Variants in CAMTA1 observed in about 807,000 individuals in gnomAD.
CAMTA1 encodes calmodulin-binding transcription activator 1.
Under a neutral mutation model 170.9 loss-of-function variants are expected in CAMTA1, and 27 were observed. That is an observed-to-expected ratio of 0.16 (90% CI 0.12 to 0.22). CAMTA1 has a LOEUF of 0.22. CAMTA1 is among the 10% of genes least tolerant of loss of function. The pLI, the probability that CAMTA1 is intolerant of heterozygous loss-of-function variation, is 1.00. For missense variants in CAMTA1, 1,619 were observed against 2,217.2 expected, an observed-to-expected ratio of 0.73 and a Z score of 5.42; for synonymous variants, 833 against 891.5, an observed-to-expected ratio of 0.93 and a Z score of 1.17.
rs1557561158 is a variant in CAMTA1, at chr1:7,347,382, CGG to C, written c.438+97758_438+97759del. Among the ~76,000 whole-genome samples, 13 of 152,298 alleles carry C rather than the reference CGG, an allele frequency of 8.5e-5. 1 individual carries two copies. In the South Asian group the frequency reaches 2.5e-3, roughly 29 times the overall value. ...CAGGCAGCTCCAGAGCCCAGCCAGT[CGG>C]GCCTCTGCCGTCACACCAGCCCCAG... On this transcript the variant is annotated intron_variant, in intron 5 of 22. Coordinates refer to ENST00000303635, the MANE Select transcript of CAMTA1 (RefSeq NM_015215.4).
intron 3 of CAMTA1, among the ~76,000 whole-genome samples, chr1:6,904,977 G>C (rs1455242795): frequency 6.6e-6 from 1 of 151,840 alleles, no homozygotes; most frequent in African/African-American, 2.4e-5. Context: ...CAGGTTATTC[G>C]TGTGGTTTGC....
In CAMTA1 at chr1:7,592,605, C is replaced by T. The variant is rs1259711028; in HGVS notation, c.511-47795C>T. Reference sequence around the variant, plus strand: ...GAAAGACCTGCTGTCCTGCAAGCCACCTACCAGTGCGGAATGAGTGGGGAG... The same window carrying T: ...GAAAGACCTGCTGTCCTGCAAGCCATCTACCAGTGCGGAATGAGTGGGGAG... On this transcript the variant is annotated intron_variant, in intron 6 of 22. Transcript: ENST00000303635. The surrounding 1 kb of genome is among the most constrained non-coding windows in gnomAD (Gnocchi z 4.6). Among the ~76,000 whole-genome samples the T allele has an allele frequency of 1.3e-5, 2 of 152,158 alleles. No individual in the cohort carries two copies. The highest frequency in any genetic ancestry group is 2.9e-5 in the Non-Finnish European group (2 of 68,044).
chr1:6,967,881 C>T (rs1404223353), intron 3 of CAMTA1, among the ~76,000 whole-genome samples: 2 of 152,128 alleles, frequency 1.3e-5, no homozygotes, highest in Non-Finnish European at 2.9e-5. Flanking sequence ...GGTAGGATCC[C>T]TGGGTGACTC....
At chr1:7,603,364 C>G (rs1242951990) in intron 6 of CAMTA1, among the ~76,000 whole-genome samples, 2 of 152,150 alleles carry the variant, frequency 1.3e-5, no homozygotes, top group Non-Finnish European at 2.9e-5. Context: ...AATCTGGGTG[C>G]TCCTGTATTG....
At chr1:6,855,616 C>G (rs1037057563) in intron 3 of CAMTA1, among the ~76,000 whole-genome samples, 20 of 152,028 alleles carry the variant, frequency 1.3e-4, no homozygotes, top group African/African-American at 4.8e-4. Context: ...GGCCCCACCT[C>G]CAGCACTGGA....
intron 6 of CAMTA1, among the ~76,000 whole-genome samples, chr1:7,632,643 C>G (rs2095678998): frequency 6.6e-6 from 1 of 152,284 alleles, no homozygotes; most frequent in East Asian, 1.9e-4. Flanking sequence ...AGGCCTCCTC[C>G]TCCTCAGCGG....
intron 3 of CAMTA1, among the ~76,000 whole-genome samples, chr1:7,082,980 G>A (rs1253860594): frequency 3.3e-5 from 5 of 152,166 alleles, no homozygotes; most frequent in African/African-American, 9.7e-5. Context: ...GCCTTTCATA[G>A]TGCCTGGCAT....
intron 4 of CAMTA1, among the ~76,000 whole-genome samples, chr1:7,241,078 T>C (rs1664780463): frequency 6.6e-6 from 1 of 152,264 alleles, no homozygotes; most frequent in Middle Eastern, 3.4e-3. Flanking sequence ...CTAGAACTAA[T>C]AAATAGGTTT....
chr1:7,157,907 C>T (rs1428891864), intron 4 of CAMTA1, among the ~76,000 whole-genome samples: 1 of 152,128 alleles, frequency 6.6e-6, no homozygotes, highest in African/African-American at 2.4e-5. Context: ...CACCTGTAAT[C>T]CCAGCACTTT....
intron 3 of CAMTA1, among the ~76,000 whole-genome samples, chr1:6,939,623 C>A (rs890087275): frequency 6.6e-6 from 1 of 152,164 alleles, no homozygotes; most frequent in African/African-American, 2.4e-5. Flanking sequence ...TCCCCTGTGG[C>A]GAGAGTTCTT....
chr1:7,548,720 GCCTCCT>G lies in CAMTA1; in HGVS notation c.510+80820_510+80825del, dbSNP rs2094747613. Reference sequence around the variant, plus strand: ...AGGGGTGGAGGTGCCCATGGAGGGTGCCTCCTTAGGGGTGGAGGTGCCCTTGCAGGG... The same window carrying G: ...AGGGGTGGAGGTGCCCATGGAGGGTGTAGGGGTGGAGGTGCCCTTGCAGGG... On this transcript the variant is annotated intron_variant, in intron 6 of 22. Transcript: ENST00000303635. Among the ~76,000 whole-genome samples, 5 of 96,662 alleles carry G rather than the reference GCCTCCT, an allele frequency of 5.2e-5. 1 individual carries two copies. The highest frequency in any genetic ancestry group is 9.5e-5 in the Non-Finnish European group (4 of 41,952). The allele number at this position is 96,662 out of a possible 152,430, so 63.4% of individuals were successfully genotyped here.
rs2096088465 is a variant in CAMTA1 at position 7,674,151 on chromosome 1, G to A, written c.2779+3114G>A. Among the ~76,000 whole-genome samples, 1 of 152,312 alleles carries A rather than the reference G, an allele frequency of 6.6e-6. No individual in the cohort carries two copies. The highest frequency in any genetic ancestry group is 3.4e-3 in the Middle Eastern group (1 of 294). On this transcript the variant is annotated intron_variant, in intron 10 of 22. Coordinates refer to ENST00000303635, the MANE Select transcript of CAMTA1 (RefSeq NM_015215.4). This position sits in a 1 kb window ranked among gnomAD's most constrained non-coding sequence, Gnocchi z 4.1. Reference sequence around the variant, plus strand: ...AGGAGGGGGCACTGGCAACACAGTTGGCCAATGCCCACCCGTCTCCCAACA... The same window carrying A: ...AGGAGGGGGCACTGGCAACACAGTTAGCCAATGCCCACCCGTCTCCCAACA...
chr1:6,786,351 G>T (rs991014937), intron 1 of CAMTA1, among the ~76,000 whole-genome samples: 5 of 152,072 alleles, frequency 3.3e-5, no homozygotes, highest in African/African-American at 1.2e-4. Context: ...CCAGGAGGGT[G>T]GGGTCTCCGT....
intron 5 of CAMTA1, among the ~76,000 whole-genome samples, chr1:7,368,076 C>A (rs1373115784): frequency 2.0e-5 from 3 of 151,140 alleles, no homozygotes; most frequent in African/African-American, 7.3e-5. Context: ...AGACATTGGG[C>A]ACTCATGGTT....
intron 3 of CAMTA1, among the ~76,000 whole-genome samples, chr1:7,020,260 G>A (rs1385862737): frequency 6.6e-6 from 1 of 152,216 alleles, no homozygotes; most frequent in East Asian, 1.9e-4. Context: ...GGTCCCATAA[G>A]ATGCTAACGC....
intron 5 of CAMTA1, among the ~76,000 whole-genome samples, chr1:7,308,061 G>T (rs900460828): frequency 6.7e-6 from 1 of 150,140 alleles, no homozygotes; most frequent in Non-Finnish European, 1.5e-5. Flanking sequence ...GGTTGTTGTT[G>T]TTTTTTTTTA....
At position 6,970,594 on chromosome 1, in the gene CAMTA1, A is replaced by G. The variant is rs529235558; in HGVS notation, c.235-120710A>G. Among the ~76,000 whole-genome samples the G allele has an allele frequency of 5.3e-5, 8 of 152,260 alleles. 1 individual carries two copies. The South Asian group carries it at 1.7e-3, about 32-fold the overall frequency. On this transcript the variant is annotated intron_variant, in intron 3 of 22. Coordinates refer to ENST00000303635, the MANE Select transcript of CAMTA1 (RefSeq NM_015215.4). The surrounding 1 kb of genome is among the most constrained non-coding windows in gnomAD (Gnocchi z 4.4). ...AGGCCTGAAGGATACCGTGAGTCTG[A>G]AGACTCCACAGAACTGATGTTGGGA...
intron 11 of CAMTA1, chr1:7,693,325 C>G (rs2096339425): frequency 6.6e-6 from 1 of 152,196 alleles, no homozygotes; most frequent in South Asian, 2.1e-4. Context: ...GAGAACAACA[C>G]AGGAAAGACT....
At chr1:6,793,281 T>A (rs1046435872) in intron 1 of CAMTA1, among the ~76,000 whole-genome samples, 1 of 152,318 alleles carries the variant, frequency 6.6e-6, no homozygotes, top group Middle Eastern at 3.4e-3. Flanking sequence ...GAGCATTCAT[T>A]CGTTCAGCAG....
Sources: gnomAD v4.1 joint callset for allele counts (sites outside exome capture counted in the v4.1 genomes callset) on GRCh38, gnomAD v4.1.1 for gene constraint, Gnocchi (gnomAD v3.1) non-coding constraint, MANE v1.5 for transcripts, NCBI Gene and HGNC (gene_info 2026-07-23, HGNC 2026-07-21) for gene names.